Variants in VWA2 observed in about 807,000 individuals in gnomAD.
VWA2 encodes von Willebrand factor A domain-containing protein 2.
Under a neutral mutation model 70.4 loss-of-function variants are expected in VWA2, and 73 were observed. That is an observed-to-expected ratio of 1.04 (90% confidence interval 0.86 to 1.26). The LOEUF (loss-of-function observed/expected upper bound fraction) is 1.26, where lower values mean the gene tolerates loss of function less well. Among genes scored for constraint, VWA2 ranks in the 50% most tolerant of loss-of-function variants. The pLI is 0.00. For synonymous variants in VWA2, 407 were observed against 423.3 expected (o/e 0.96, Z 0.47); for missense variants, 1,011 against 998.5 (o/e 1.01, Z -0.17).
rs2038831832 is a variant in VWA2, at chr10:114,286,005, C to T, written c.1064C>T (p.Thr355Ile). 1 of 1,614,084 alleles carries T rather than the reference C, an allele frequency of 6.2e-7. No individual in the cohort carries two copies. The change falls in exon 11 of 14, where the codon ACT becomes ATT. Residue 355 changes from threonine to isoleucine, a missense_variant. Coordinates refer to ENST00000392982, the MANE Select transcript of VWA2 (RefSeq NM_001272046.2). ...LFLLDSSAGT[T>I]LDGFLRAKVF... ...CTGCTGGACAGCTCTGCGGGCACCA[C>T]TCTGGACGGCTTCCTGCGGGCCAAA... is the stretch of plus-strand genomic sequence containing the variant.
intron 1 of VWA2, chr10:114,246,758 T>C (rs1309946810): frequency 1.4e-6 from 2 of 1,405,788 alleles, no homozygotes; most frequent in African/African-American, 1.4e-5. Flanking sequence ...AGGGCTGCTG[T>C]ATAACCTTTC....
At chr10:114,279,641 T>C (rs2037964906) in intron 8 of VWA2, among the ~76,000 whole-genome samples, 1 of 152,186 alleles carries the variant, frequency 6.6e-6, no homozygotes, top group African/African-American at 2.4e-5. Flanking sequence ...CTCATGCCAC[T>C]CTGGGGCCAC....
intron 4 of VWA2, among the ~76,000 whole-genome samples, chr10:114,256,711 C>T (rs1236778301): frequency 2.6e-5 from 4 of 152,024 alleles, no homozygotes; most frequent in African/African-American, 9.7e-5. Context: ...GAGATTGAGA[C>T]CGTCCTGGCT....
chr10:114,290,723 AG>A (rs1194684252), intron 13 of VWA2, among the ~76,000 whole-genome samples: 2 of 86,440 alleles, frequency 2.3e-5, no homozygotes, highest in Admixed American at 1.2e-4. Flanking sequence ...CAGTAGATCC[AG>A]GGTACAGGGA....
intron 5 of VWA2, among the ~76,000 whole-genome samples, 157 bp downstream of exon 5, chr10:114,261,452 C>T (rs2037443649): frequency 6.6e-6 from 1 of 152,164 alleles, no homozygotes. Flanking sequence ...ATTCCATTCT[C>T]AAGGCTGCCC....
At position 114,291,251 on chromosome 10, in the gene VWA2, C is replaced by T. The variant is rs987257499; in HGVS notation, c.*14C>T. 2.1e-5 allele frequency: 33 copies of T among 1,549,866 alleles called. No homozygotes were observed. Among genetic ancestry groups the T allele is most frequent in the African/African-American group, 1.6e-4 (12 of 73,126 alleles). On this transcript the variant is annotated 3_prime_UTR_variant, in exon 14 of 14. Transcript: ENST00000392982. ...AGACGCCCCTGAGGCACATGGCTCC[C>T]GTGCAGGAGGGCAGCAGCCGTACCC...
intron 2 of VWA2, 98 bp from the exon 3 acceptor site, chr10:114,253,553 C>T (rs74497758): frequency 9.7e-7 from 1 of 1,034,462 alleles, no homozygotes; most frequent in Non-Finnish European, 1.4e-6. Context: ...TTCTAGGTTT[C>T]TCTGATGTTA....
intron 2 of VWA2, among the ~76,000 whole-genome samples, chr10:114,249,739 T>C (rs917451528): frequency 1.3e-5 from 2 of 152,232 alleles, no homozygotes; most frequent in South Asian, 2.1e-4. Context: ...CAGTCTATCA[T>C]TGATCAGCAT....
chr10:114,261,341 T>C (rs1351146125), intron 5 of VWA2, 46 bp downstream of exon 5: 1 of 1,529,204 alleles, frequency 6.5e-7, no homozygotes, highest in Non-Finnish European at 9.1e-7. Flanking sequence ...CGCCAACTGC[T>C]CTTAAAATTG....
Position 114,253,674 on chromosome 10 carries a change from G to A in VWA2, c.76G>A (p.Glu26Lys). 6 of 1,612,232 alleles carry A rather than the reference G, an allele frequency of 3.7e-6. No individual in the cohort carries two copies. The highest frequency in any genetic ancestry group is 1.7e-4 in the Middle Eastern group (1 of 6,054). Residue 26 changes from glutamate to lysine, a missense_variant, in exon 3 of 14, where the codon GAA (glutamate) becomes AAA (lysine). Transcript: ENST00000392982. ...SRVPPSLPLQ[E>K]VHVSKETIGK... ...AGTGCCCCCATCTCTCCCTCTCCAG[G>A]AAGTCCATGTAAGCAAAGAAACCAT...
chr10:114,242,524 A>G (rs2036991349), intron 1 of VWA2, among the ~76,000 whole-genome samples: 1 of 151,180 alleles, frequency 6.6e-6, no homozygotes, highest in African/African-American at 2.4e-5. Flanking sequence ...TCTGTGTATC[A>G]GTGCCTCTGC....
chr10:114,246,787 T>G, intron 1 of VWA2: 1 of 1,212,008 alleles, frequency 8.3e-7, no homozygotes, highest in Admixed American at 1.7e-5. Flanking sequence ...GCTACTAAAA[T>G]TTATTTTACC....
chr10:114,256,639 G>A (rs551409616), intron 4 of VWA2, among the ~76,000 whole-genome samples: 4 of 152,230 alleles, frequency 2.6e-5, no homozygotes, highest in South Asian at 4.1e-4. Context: ...GGCTGTGCGC[G>A]GTGGGTCACG....
intron 6 of VWA2, among the ~76,000 whole-genome samples, chr10:114,274,794 G>T (rs1034684039): frequency 1.3e-5 from 2 of 151,992 alleles, no homozygotes; most frequent in Non-Finnish European, 2.9e-5. Context: ...TGCGCCTGGC[G>T]TTGGCTTAGG....
chr10:114,283,530 T>G (rs1309646244), intron 9 of VWA2, among the ~76,000 whole-genome samples: 3 of 152,186 alleles, frequency 2.0e-5, no homozygotes, highest in African/African-American at 7.2e-5. Flanking sequence ...GCTCAGAAAT[T>G]AGGGTTTGAG....
intron 2 of VWA2, among the ~76,000 whole-genome samples, chr10:114,253,331 A>C: frequency 4.8e-5 from 1 of 20,930 alleles, no homozygotes. Context: ...CTGACACCTC[A>C]CCCCCCTCCC....
In VWA2 at chr10:114,271,539, T is replaced by G. The variant is rs183670589; in HGVS notation, c.372-1201T>G. On this transcript the variant is annotated intron_variant, in intron 5 of 13. Coordinates refer to ENST00000392982, the MANE Select transcript of VWA2 (RefSeq NM_001272046.2). ...GGAGCCTGGATTCCTGAGTAGCTGCTTGGAGGGGAGCCAACCAGGAGAGAT... is the reference window on the plus strand; with the variant it reads ...GGAGCCTGGATTCCTGAGTAGCTGCGTGGAGGGGAGCCAACCAGGAGAGAT... Among the ~76,000 whole-genome samples the G allele has an allele frequency of 4.0e-3, 601 of 151,662 alleles. 2 individuals carry two copies. Among genetic ancestry groups the G allele is most frequent in the African/African-American group, 0.014 (574 of 41,218 alleles).
intron 5 of VWA2, among the ~76,000 whole-genome samples, chr10:114,271,815 C>G (rs1235607983): frequency 3.3e-5 from 5 of 152,156 alleles, no homozygotes; most frequent in Admixed American, 1.3e-4. Context: ...GAATAATGCT[C>G]CCACAGGGTT....
intron 9 of VWA2, among the ~76,000 whole-genome samples, chr10:114,283,397 A>G (rs139256777): frequency 6.6e-6 from 1 of 150,628 alleles, no homozygotes; most frequent in Non-Finnish European, 1.5e-5. Context: ...AGTTAGACAC[A>G]CAGGCAGGGT....
Sources: allele counts gnomAD v4.1 joint callset (sites outside exome capture counted in the v4.1 genomes callset), GRCh38; gene constraint gnomAD v4.1.1; transcripts MANE v1.5; gene names NCBI Gene and HGNC (gene_info 2026-07-23, HGNC 2026-07-21).